The following ELP1 variants were observed in gnomAD, a reference collection of about 807,000 sequenced individuals.
The protein encoded by ELP1 is elongator complex protein 1.
ELP1 carries 131 observed loss-of-function variants against 183.2 expected under a neutral mutation model. The ratio of observed to expected loss-of-function variants is 0.72; its 90% confidence interval spans 0.62 to 0.83. The LOEUF (loss-of-function observed/expected upper bound fraction) is 0.83, where lower values mean the gene tolerates loss of function less well. Among genes scored for constraint, ELP1 ranks in the 40% least tolerant of loss-of-function variants. ELP1 has a pLI of 0.00. For synonymous variants in ELP1, 555 were observed against 569.0 expected (o/e 0.98, Z 0.35); for missense variants, 1,550 against 1,594.9 (o/e 0.97, Z 0.48).
In ELP1 at chr9:108,897,212, C is replaced by T. The variant is rs528801644; in HGVS notation, c.2437G>A (p.Gly813Arg). 54 of 1,614,088 alleles carry T rather than the reference C, an allele frequency of 3.3e-5. No homozygotes were observed. The highest frequency in any genetic ancestry group is 2.1e-4 in the South Asian group (19 of 91,062). The change falls in exon 23 of 37, where the codon GGG becomes AGG. Residue 813 changes from glycine to arginine, a missense_variant. Gly to Arg is a moderately radical substitution (Grantham distance 125, BLOSUM62 -2). Coordinates refer to ENST00000374647, the MANE Select transcript of ELP1 (RefSeq NM_003640.5). ...SSVYLSRDPD[G>R]NKIDLVCDAM... ...TCGCAGACAAGGTCTATTTTATTCC[C>T]GTCAGGATCCCTGGACAGGTAGACA...
chr9:108,871,140 G>T (rs1476881004), intron 36 of ELP1, among the ~76,000 whole-genome samples: 1 of 151,940 alleles, frequency 6.6e-6, no homozygotes, highest in Non-Finnish European at 1.5e-5. Flanking sequence ...TAACAATGAT[G>T]GCATCATTGA....
chr9:108,893,853 T>C, intron 26 of ELP1, 90 bp downstream of exon 26: 1 of 1,353,244 alleles, frequency 7.4e-7, no homozygotes, highest in Non-Finnish European at 1.1e-6. Context: ...GTGAAATCAG[T>C]CACTGTCTAA....
intron 25 of ELP1, among the ~76,000 whole-genome samples, chr9:108,896,282 A>G (rs1828542507): frequency 6.6e-6 from 1 of 152,090 alleles, no homozygotes; most frequent in South Asian, 2.1e-4. Flanking sequence ...AAAAAAAGCC[A>G]TGCAATTTTA....
chr9:108,894,092 T>A, intron 25 of ELP1, 26 bp from the exon 26 acceptor site: 1 of 1,333,920 alleles, frequency 7.5e-7, no homozygotes, highest in Non-Finnish European at 1.1e-6. Context: ...ATGAGAACTT[T>A]ATTACTTGTG....
intron 29 of ELP1, among the ~76,000 whole-genome samples, chr9:108,888,888 T>C (rs1828221438): frequency 6.6e-6 from 1 of 152,188 alleles, no homozygotes; most frequent in Non-Finnish European, 1.5e-5. Flanking sequence ...CAAATGCTCA[T>C]ATGGGTACTT....
rs771339771 is a variant in ELP1, at chr9:108,879,501, C to A, written c.3517G>T (p.Val1173Leu). ...TTGCCACTCATCTCACTGCCACTCACGACACTGCTAGTTTCAGAGAAGAGG... is the reference window on the plus strand; with the variant it reads ...TTGCCACTCATCTCACTGCCACTCAAGACACTGCTAGTTTCAGAGAAGAGG... The part of the protein sequence containing the change: ...SDLFSETSSV[V>L]SGSEMSGKYS... The change falls in exon 33 of 37, where the codon GTG (valine) becomes TTG (leucine). Residue 1173 changes from valine (V) to leucine (L), a missense_variant. Physicochemically the swap from Val to Leu is conservative, Grantham distance 32 (BLOSUM62 1). Coordinates refer to ENST00000374647, the MANE Select transcript of ELP1 (RefSeq NM_003640.5). 1 of 1,614,026 alleles carries A rather than the reference C, an allele frequency of 6.2e-7. No individual in the cohort carries two copies. Among genetic ancestry groups the A allele is most frequent in the East Asian group, 2.2e-5 (1 of 44,888 alleles).
intron 36 of ELP1, among the ~76,000 whole-genome samples, chr9:108,870,311 T>C (rs575894694): frequency 9.8e-5 from 15 of 152,326 alleles, no homozygotes; most frequent in Admixed American, 6.5e-5. Context: ...AATAGCTTAC[T>C]GTTGTTCGGC....
intron 13 of ELP1, among the ~76,000 whole-genome samples, chr9:108,907,694 A>T (rs1381693966): frequency 6.6e-6 from 1 of 152,086 alleles, no homozygotes; most frequent in Non-Finnish European, 1.5e-5. Context: ...TAACCTCTAC[A>T]CTTTGTTTTT....
chr9:108,903,762 G>C (rs1828909821), intron 14 of ELP1, 93 bp from the exon 15 acceptor site: 1 of 850,936 alleles, frequency 1.2e-6, no homozygotes, highest in Non-Finnish European at 2.0e-6. Context: ...ATTTCCTTTT[G>C]ATGCTGCACT....
chr9:108,902,061 A>G lies in ELP1; in HGVS notation c.1855-380T>C, dbSNP rs117259690. On this transcript the variant is annotated intron_variant, in intron 16 of 36. Transcript: ENST00000374647. ...TACTCTGTTATTAAAAATCACAAGAAGTTTCTAATCTTTGTTCAATTAAAG... is the reference window on the plus strand; with the variant it reads ...TACTCTGTTATTAAAAATCACAAGAGGTTTCTAATCTTTGTTCAATTAAAG... Among the ~76,000 whole-genome samples, 748 of 152,320 alleles carry G rather than the reference A, an allele frequency of 4.9e-3. 2 individuals are homozygous for G. The highest frequency in any genetic ancestry group is 7.7e-3 in the Non-Finnish European group (524 of 68,028).
intron 20 of ELP1, among the ~76,000 whole-genome samples, chr9:108,899,019 G>A (rs984348207): frequency 2.6e-5 from 4 of 151,982 alleles, no homozygotes; most frequent in African/African-American, 7.3e-5. Context: ...ACAGAAGCCC[G>A]GGCACGGTGG....
rs958635206 is a variant in ELP1, at chr9:108,903,144, T to G, written c.1751-202A>C. On this transcript the variant is annotated intron_variant, in intron 15 of 36. Transcript: ENST00000374647. ...GCACAATGTGCAGGTTTGTTACATA[T>G]GTATACATGTGCCATGTTGGTGTGC... Among the ~76,000 whole-genome samples the G allele has an allele frequency of 7.9e-5, 12 of 152,268 alleles. 1 individual carries two copies. The South Asian group carries it at 2.3e-3, about 29-fold the overall frequency.
chr9:108,914,787 A>G (rs1323276268), intron 10 of ELP1, among the ~76,000 whole-genome samples: 3 of 152,102 alleles, frequency 2.0e-5, no homozygotes, highest in African/African-American at 4.8e-5. Flanking sequence ...CACCACGCCC[A>G]GCTAATTTTT....
In ELP1 at chr9:108,901,496, T is replaced by C; in HGVS notation, c.1943A>G (p.Asp648Gly). 1 of 1,614,064 alleles carries C rather than the reference T, an allele frequency of 6.2e-7. No individual in the cohort carries two copies. The highest frequency in any genetic ancestry group is 8.5e-7 in the Non-Finnish European group (1 of 1,179,958). The change falls in exon 18 of 37, where the codon GAT becomes GGT. Residue 648 changes from aspartate (D) to glycine (G), a missense_variant. Coordinates refer to ENST00000374647, the MANE Select transcript of ELP1 (RefSeq NM_003640.5). ...ASNITSFAVY[D>G]EFLLLTTHSH... ...ATGGGTTGTCAACAATAAAAACTCA[T>C]CATATACTGCAAATGACGTGATATT...
intron 20 of ELP1, 103 bp downstream of exon 20, chr9:108,899,719 G>C (rs1828696487): frequency 7.7e-6 from 7 of 913,826 alleles, no homozygotes; most frequent in South Asian, 2.8e-5. Context: ...TAGGTAATGA[G>C]GGCTTTTCAT....
Position 108,882,157 on chromosome 9 carries a change from C to G in ELP1, c.3253G>C (p.Glu1085Gln). 6.2e-7 allele frequency: 1 copy of G among 1,613,624 alleles called. No homozygotes were observed. The highest frequency in any genetic ancestry group is 8.5e-7 in the Non-Finnish European group (1 of 1,179,908). The change falls in exon 30 of 37, where the codon GAA becomes CAA. Residue 1085 changes from glutamate (E) to glutamine (Q), a missense_variant. Physicochemically the swap from Glu to Gln is conservative, Grantham distance 29. Transcript: ENST00000374647. ...AAAGCTTCTTCCCAGGCAGCTCCTT[C>G]TAACAGCAAGAGCACAGCTTCTTCA... ...DYEEAVLLLL[E>Q]GAAWEEALRL...
At position 108,912,312 on chromosome 9, in the gene ELP1, C is replaced by G. The variant is rs769108524; in HGVS notation, c.1141G>C (p.Val381Leu). 4 of 1,614,198 alleles carry G rather than the reference C, an allele frequency of 2.5e-6. No homozygotes were observed. Among genetic ancestry groups the G allele is most frequent in the Non-Finnish European group, 1.7e-6 (2 of 1,180,034 alleles). The change falls in exon 11 of 37, where the codon GTG becomes CTG. Residue 381 changes from valine to leucine, a missense_variant. Transcript: ENST00000374647. ...GACAAGTCACTTGAATTATCTCCCA[C>G]GCTCCGGTCAGTCGTCCAGTGCCAA... ...YDWHWTTDRSVGDNSSDLSNV... is the reference protein window; with the variant it reads ...YDWHWTTDRSLGDNSSDLSNV...
intron 10 of ELP1, 151 bp downstream of exon 10, chr9:108,916,053 C>G: frequency 2.8e-6 from 2 of 718,328 alleles, no homozygotes; most frequent in South Asian, 2.9e-5. Flanking sequence ...CACAATCAAT[C>G]AAAACCTAAC....
Position 108,919,274 on chromosome 9 carries a change from T to C in ELP1, c.628A>G (p.Ser210Gly), listed in dbSNP as rs541666513. Residue 210 changes from serine to glycine, a missense_variant, in exon 7 of 37, where the codon AGT (serine) becomes GGT (glycine). Ser to Gly is a moderately conservative substitution (Grantham distance 56). Coordinates refer to ENST00000374647, the MANE Select transcript of ELP1 (RefSeq NM_003640.5). ...ATACCTGTTTCTGGGCAAACAACAC[T>C]CACAGCAAAAAACTGTCCATCCCCC... The part of the protein sequence containing the change: ...WRGDGQFFAV[S>G]VVCPETGARK... 1.1e-5 allele frequency: 18 copies of C among 1,613,482 alleles called. No individual in the cohort carries two copies. In the South Asian group the frequency reaches 1.9e-4, roughly 17 times the overall value.
Sources: allele counts gnomAD v4.1 joint callset (sites outside exome capture counted in the v4.1 genomes callset), GRCh38; gene constraint gnomAD v4.1.1; transcripts MANE v1.5; gene names NCBI Gene and HGNC (gene_info 2026-07-23, HGNC 2026-07-21).